Variants in RAPGEF2 observed in about 807,000 individuals in gnomAD.
RAPGEF2 encodes the protein Rap guanine nucleotide exchange factor 2.
Under a neutral mutation model 186.7 loss-of-function variants are expected in RAPGEF2, and 54 were observed. The ratio of observed to expected loss-of-function variants is 0.29; its 90% CI spans 0.23 to 0.36. The LOEUF (loss-of-function observed/expected upper bound fraction) is 0.36, where lower values mean the gene tolerates loss of function less well. Among genes scored for constraint, RAPGEF2 ranks in the 10% least tolerant of loss-of-function variants. RAPGEF2 has a pLI of 1.00. For synonymous variants in RAPGEF2, 712 were observed against 705.9 expected, an observed-to-expected ratio of 1.01 and a Z score of -0.14; for missense variants, 1,532 against 2,045.0, an observed-to-expected ratio of 0.75 and a Z score of 4.84.
intron 7 of RAPGEF2, among the ~76,000 whole-genome samples, chr4:159,246,661 T>C (rs1424224898): frequency 6.6e-6 from 1 of 152,202 alleles, no homozygotes. Context: ...TTAGTTTCCG[T>C]GATTGTGCAC....
At chr4:159,214,238 G>A (rs1281002128) in intron 4 of RAPGEF2, among the ~76,000 whole-genome samples, 3 of 152,158 alleles carry the variant, frequency 2.0e-5, no homozygotes, top group Non-Finnish European at 4.4e-5. Flanking sequence ...GTAAGGTTGT[G>A]TGCTGCATAA....
chr4:159,338,600 C>CTT, intron 18 of RAPGEF2, 132 bp downstream of exon 18: 1 of 1,017,612 alleles, frequency 9.8e-7, no homozygotes, highest in Non-Finnish European at 1.4e-6. Context: ...GAAACTTAAA[C>CTT]TTTAAGATTT....
At chr4:159,186,219 T>C (rs955910078) in intron 1 of RAPGEF2, among the ~76,000 whole-genome samples, 1 of 151,988 alleles carries the variant, frequency 6.6e-6, no homozygotes, top group African/African-American at 2.4e-5. Context: ...AAAAATTGAA[T>C]TTATATCCAT....
At position 159,314,688 on chromosome 4, in the gene RAPGEF2, C is replaced by G. The variant is rs910377638; in HGVS notation, c.773C>G (p.Ala258Gly). The change falls in exon 9 of 30, where the codon GCA becomes GGA. Residue 258 changes from alanine to glycine, a missense_variant. By Grantham distance (60) the Ala-to-Gly change is moderately conservative. This residue lies in a region of RAPGEF2 where 810 missense variants were observed against 1,210.5 expected (regional missense o/e 0.67). Coordinates refer to ENST00000691494, the MANE Select transcript of RAPGEF2 (RefSeq NM_001394067.2). ...DDDDEEDIERASDPLMSRDIV... is the reference protein window; with the variant it reads ...DDDDEEDIERGSDPLMSRDIV... ...GACGATGAAGAAGACATTGAGAGAGCATCAGATCCTCTGATGAGCAGGGAC... is the reference window on the plus strand; with the variant it reads ...GACGATGAAGAAGACATTGAGAGAGGATCAGATCCTCTGATGAGCAGGGAC... 3.7e-5 allele frequency: 59 copies of G among 1,613,944 alleles called. No homozygotes were observed. The highest frequency in any genetic ancestry group is 4.9e-5 in the Non-Finnish European group (58 of 1,179,914).
At chr4:159,150,718 C>G (rs914860502) in intron 1 of RAPGEF2, among the ~76,000 whole-genome samples, 1 of 152,152 alleles carries the variant, frequency 6.6e-6, no homozygotes, top group African/African-American at 2.4e-5. Context: ...CATGGAAGTC[C>G]AGGAGTATTG....
At chr4:159,108,423 C>T (rs114424398) in intron 1 of RAPGEF2, among the ~76,000 whole-genome samples, 1,573 of 145,668 alleles carry the variant, frequency 0.011, 30 homozygotes, top group African/African-American at 0.038. Flanking sequence ...AAGATGACCA[C>T]CTTGGTTTTT....
At chr4:159,149,350 T>A (rs1318063002) in intron 1 of RAPGEF2, among the ~76,000 whole-genome samples, 1 of 152,128 alleles carries the variant, frequency 6.6e-6, no homozygotes, top group Non-Finnish European at 1.5e-5. Flanking sequence ...AACCTCTGCC[T>A]CTGGCTTCAA....
chr4:159,193,309 T>G (rs758511376), intron 3 of RAPGEF2, 53 bp downstream of exon 3: 65 of 1,177,258 alleles, frequency 5.5e-5, no homozygotes, highest in Non-Finnish European at 6.7e-5. Context: ...GACTAAATTT[T>G]CTTAAAGTAT....
intron 17 of RAPGEF2, among the ~76,000 whole-genome samples, chr4:159,338,106 AAAAC>A (rs1445421416): frequency 1.4e-5 from 2 of 147,196 alleles, no homozygotes; most frequent in Non-Finnish European, 2.9e-5. Context: ...CAAACAAACA[AAAAC>A]AAAAAACAAA....
intron 1 of RAPGEF2, among the ~76,000 whole-genome samples, chr4:159,181,256 G>A (rs566525615): frequency 7.2e-5 from 11 of 152,174 alleles, no homozygotes; most frequent in Non-Finnish European, 1.3e-4. Context: ...CCTTAAGGCC[G>A]TTCTTTGATT....
At chr4:159,354,081 G>C in intron 28 of RAPGEF2, 35 bp downstream of exon 28, 1 of 1,502,492 alleles carries the variant, frequency 6.7e-7, no homozygotes, top group Non-Finnish European at 8.9e-7. Context: ...TGTCATGTCT[G>C]GATCATGTCT....
intron 1 of RAPGEF2, among the ~76,000 whole-genome samples, chr4:159,184,203 T>C (rs376856330): frequency 1.3e-5 from 2 of 152,180 alleles, no homozygotes; most frequent in Admixed American, 6.5e-5. Flanking sequence ...AATAAACATA[T>C]GTGTGCATGT....
At chr4:159,212,503 G>A (rs140194109) in intron 4 of RAPGEF2, among the ~76,000 whole-genome samples, 1 of 152,058 alleles carries the variant, frequency 6.6e-6, no homozygotes, top group Non-Finnish European at 1.5e-5. Flanking sequence ...TTATATGCTT[G>A]TATTTAAGAT....
At chr4:159,191,025 G>C (rs940681418) in intron 2 of RAPGEF2, among the ~76,000 whole-genome samples, 1 of 152,210 alleles carries the variant, frequency 6.6e-6, no homozygotes, top group East Asian at 1.9e-4. Flanking sequence ...ATGAGTGGCT[G>C]CCGTGATGAG....
chr4:159,225,981 T>G (rs1751994812), intron 4 of RAPGEF2, among the ~76,000 whole-genome samples: 1 of 152,226 alleles, frequency 6.6e-6, no homozygotes, highest in Non-Finnish European at 1.5e-5. Context: ...TCTTTTAATC[T>G]TGATGAAGTC....
At chr4:159,295,720 A>AGTGTGTGTGTGT (rs71589223) in intron 7 of RAPGEF2, among the ~76,000 whole-genome samples, 16 of 134,722 alleles carry the variant, frequency 1.2e-4, no homozygotes, top group Admixed American at 1.5e-4. Context: ...AGAGTGTGTG[A>AGTGTGTGTGTGT]GTGTGTGTGT....
At position 159,112,048 on chromosome 4, in the gene RAPGEF2, A is replaced by C. The variant is rs558420955; in HGVS notation, c.69+7817A>C. Among the ~76,000 whole-genome samples, 24 of 152,322 alleles carry C rather than the reference A, an allele frequency of 1.6e-4. No individual in the cohort carries two copies. The South Asian group carries it at 3.1e-3, about 20-fold the overall frequency. ...CCATTTCTATAACTTTGTCATTTCA[A>C]AAATGTTATTAATTGGAATCGTACA... On this transcript the variant is annotated intron_variant, in intron 1 of 29. Transcript: ENST00000691494.
At chr4:159,283,616 A>C (rs753183937) in intron 7 of RAPGEF2, among the ~76,000 whole-genome samples, 41 of 152,220 alleles carry the variant, frequency 2.7e-4, no homozygotes, top group Non-Finnish European at 1.0e-4. Flanking sequence ...TTAGAGTGTC[A>C]GGTTAATAAT....
At chr4:159,248,716 CTATAGCATA>C in intron 7 of RAPGEF2, among the ~76,000 whole-genome samples, 1 of 152,148 alleles carries the variant, frequency 6.6e-6, no homozygotes, top group African/African-American at 2.4e-5. Context: ...GGAAATTGCA[CTATAGCATA>C]TGTACAGAAA....
Sources: allele counts gnomAD v4.1 joint callset (sites outside exome capture counted in the v4.1 genomes callset), GRCh38; gene constraint gnomAD v4.1.1; regional missense constraint gnomAD v4.1.1; transcripts MANE v1.5; gene names NCBI Gene and HGNC (gene_info 2026-07-23, HGNC 2026-07-21).